DNM2: variants seen among roughly 807,000 people sequenced by gnomAD.
DNM2 encodes the protein dynamin-2.
In DNM2, 15 loss-of-function variants were observed where a neutral mutation model predicts 99.0. The ratio of observed to expected loss-of-function variants is 0.15; its 90% CI spans 0.10 to 0.23. The LOEUF (loss-of-function observed/expected upper bound fraction) is 0.23. DNM2 is among the 10% of genes least tolerant of loss of function. The pLI is 1.00. For synonymous variants in DNM2, 525 were observed against 481.2 expected (o/e 1.09, Z -1.19); for missense variants, 742 against 1,189.4 (o/e 0.62, Z 5.53).
At chr19:10,802,409 A>C in intron 12 of DNM2, 51 bp downstream of exon 12, 13 of 1,585,198 alleles carry the variant, frequency 8.2e-6, no homozygotes, top group African/African-American at 2.7e-5. Flanking sequence ...CCTCACTCTC[A>C]GATCCAAGGA....
At chr19:10,718,436 G>A (rs2068823018) in intron 1 of DNM2, 33 bp downstream of exon 1, 8 of 1,388,916 alleles carry the variant, frequency 5.8e-6, no homozygotes, top group East Asian at 5.9e-5. Context: ...GCGGGCGGGT[G>A]GCGGCCTAGG....
intron 9 of DNM2, 143 bp from the exon 10 acceptor site, chr19:10,797,237 C>T: frequency 7.9e-7 from 1 of 1,263,792 alleles, no homozygotes; most frequent in Non-Finnish European, 1.1e-6. Flanking sequence ...GCTTCCGGGG[C>T]AAATGCGGGC....
chr19:10,776,055 A>T (rs551360385), intron 4 of DNM2, 149 bp downstream of exon 4: 1 of 1,048,612 alleles, frequency 9.5e-7, no homozygotes, highest in Non-Finnish European at 1.4e-6. Flanking sequence ...TCCTCCGAGA[A>T]CCAGCAGTGC....
At chr19:10,737,006 G>C (rs955538592) in intron 1 of DNM2, among the ~76,000 whole-genome samples, 1 of 152,138 alleles carries the variant, frequency 6.6e-6, no homozygotes, top group Non-Finnish European at 1.5e-5. Context: ...AAATTAGCCA[G>C]GCATGGCAGC....
rs761720379 is a variant in DNM2 at position 10,817,496 on chromosome 19, C to T, written c.1672-2484C>T. On this transcript the variant is annotated intron_variant, in intron 15 of 20. Transcript: ENST00000389253. The surrounding 1 kb of genome is among the most constrained non-coding windows in gnomAD (Gnocchi z 4.6). The stretch of plus-strand genomic sequence containing the variant: ...ACAGGTAGTCTGAACACTGGGTTGG[C>T]GGGGCCGGCTATCCATCCTGCAGAA... 28 of 459,192 alleles carry T rather than the reference C, an allele frequency of 6.1e-5. 1 individual carries two copies. The highest frequency in any genetic ancestry group is 2.1e-4 in the African/African-American group (10 of 48,386). 28.4% of individuals were successfully genotyped at this position (459,192 alleles called of 1,614,324 possible). A position where few individuals can be genotyped will look rare whatever the true frequency, so the allele number is the denominator to read the frequency against.
intron 1 of DNM2, among the ~76,000 whole-genome samples, chr19:10,755,986 G>A (rs1408618072): frequency 6.6e-6 from 1 of 152,168 alleles, no homozygotes; most frequent in Non-Finnish European, 1.5e-5. Flanking sequence ...TCTCTGATGT[G>A]CAAGATGCCA....
At position 10,831,180 on chromosome 19, in the gene DNM2, C is replaced by A; in HGVS notation, c.*133C>A. 2 of 1,417,772 alleles carry A rather than the reference C, an allele frequency of 1.4e-6. No homozygotes were observed. The highest frequency in any genetic ancestry group is 1.5e-5 in the South Asian group (1 of 65,658). 87.8% of individuals were successfully genotyped at this position (1,417,772 alleles called of 1,614,324 possible). A position where few individuals can be genotyped will look rare whatever the true frequency, so the allele number is the denominator to read the frequency against. On this transcript the variant is annotated 3_prime_UTR_variant, in exon 21 of 21. Transcript: ENST00000389253. The surrounding 1 kb of genome is among the most constrained non-coding windows in gnomAD (Gnocchi z 4.3). ...GGCAGCCCTGGCCTCTTCCTTAACG[C>A]TGGCCCCGGTCCAGGGCCGGCCCCT...
rs1353684418 is a variant in DNM2 at position 10,765,420 on chromosome 19, G to T, written c.235+5609G>T. Among the ~76,000 whole-genome samples the T allele has an allele frequency of 1.3e-5, 2 of 152,212 alleles. No homozygotes were observed. Among genetic ancestry groups the T allele is most frequent in the African/African-American group, 4.8e-5 (2 of 41,454 alleles). ...GTGCCCCTTCTTGCCTACTGGGCGG[G>T]AAGTGATGGGGGTTACTTTACCAAG... On this transcript the variant is annotated intron_variant, in intron 2 of 20. Transcript: ENST00000389253. The surrounding 1 kb of genome is among the most constrained non-coding windows in gnomAD (Gnocchi z 4.4).
chr19:10,751,882 AC>A (rs2070208069), intron 1 of DNM2, among the ~76,000 whole-genome samples: 1 of 152,250 alleles, frequency 6.6e-6, no homozygotes, highest in Non-Finnish European at 1.5e-5. Flanking sequence ...AAGCAATTTT[AC>A]TTCTGTACAG....
At chr19:10,802,534 GGTCCACT>G in intron 12 of DNM2, 176 bp downstream of exon 12, 1 of 736,772 alleles carries the variant, frequency 1.4e-6, no homozygotes, top group South Asian at 1.5e-5. Flanking sequence ...GGCTGATAGT[GGTCCACT>G]GTCCCCAACC....
chr19:10,798,685 A>G, intron 11 of DNM2, 113 bp downstream of exon 11: 1 of 1,180,414 alleles, frequency 8.5e-7, no homozygotes, highest in South Asian at 1.3e-5. Flanking sequence ...TACCTCAATC[A>G]AGATACAGAG....
intron 5 of DNM2, among the ~76,000 whole-genome samples, chr19:10,777,850 C>G (rs572404388): frequency 6.8e-4 from 103 of 152,182 alleles, no homozygotes; most frequent in Non-Finnish European, 1.1e-3. Flanking sequence ...TTGCCTTGGC[C>G]TCCCAAAGTG....
intron 16 of DNM2, among the ~76,000 whole-genome samples, chr19:10,822,016 G>C (rs1047995072): frequency 3.3e-5 from 5 of 152,114 alleles, no homozygotes; most frequent in Non-Finnish European, 5.9e-5. Flanking sequence ...TCACTTAAAG[G>C]CTTTGTGGGC....
rs57290103 is a variant in DNM2 at position 10,760,827 on chromosome 19, AT to A, written c.235+1033del. Among the ~76,000 whole-genome samples the A allele has an allele frequency of 1.3e-3, 54 of 41,268 alleles. 6 individuals carry two copies. The highest frequency in any genetic ancestry group is 4.5e-3 in the African/African-American group (48 of 10,642). 27.1% of individuals were successfully genotyped at this position (41,268 alleles called of 152,430 possible). A position where few individuals can be genotyped will look rare whatever the true frequency, so the allele number is the denominator to read the frequency against. Reference sequence around the variant, plus strand: ...GTGCACACACCACCACACCCAGCTGATTTTTTTTTTTTTTTTTGGTAGAGAT... The same window carrying A: ...GTGCACACACCACCACACCCAGCTGATTTTTTTTTTTTTTTTGGTAGAGAT... On this transcript the variant is annotated intron_variant, in intron 2 of 20. Transcript: ENST00000389253.
rs1177972134 is a variant in DNM2 at position 10,775,671 on chromosome 19, C to T, written c.386-32C>T. ...TGTTTGTGCCTCCCCTCTCCTGGCT[C>T]TGAATGCCTTTCCTTCTGGTTTCCC... is the stretch of plus-strand genomic sequence containing the variant. On this transcript the variant is annotated intron_variant, in intron 3 of 20. Transcript: ENST00000389253. The surrounding 1 kb of genome is among the most constrained non-coding windows in gnomAD (Gnocchi z 4.3). 1.2e-6 allele frequency: 2 copies of T among 1,613,788 alleles called. No homozygotes were observed. The highest frequency in any genetic ancestry group is 3.3e-5 in the Admixed American group (2 of 60,018).
At chr19:10,819,361 C>T (rs921356779) in intron 15 of DNM2, among the ~76,000 whole-genome samples, 9 of 152,190 alleles carry the variant, frequency 5.9e-5, no homozygotes, top group Admixed American at 2.0e-4. Flanking sequence ...GAAATCCCAG[C>T]CCTGCTCCTC....
intron 1 of DNM2, 25 bp downstream of exon 1, chr19:10,718,428 G>T: frequency 7.0e-7 from 1 of 1,430,096 alleles, no homozygotes; most frequent in Non-Finnish European, 9.2e-7. Flanking sequence ...CAGGGATCGC[G>T]GGCGGGTGGC....
chr19:10,786,740 C>T, intron 7 of DNM2, 34 bp downstream of exon 7: 1 of 1,613,380 alleles, frequency 6.2e-7, no homozygotes, highest in Non-Finnish European at 8.5e-7. Flanking sequence ...CACCACCACC[C>T]TGGCCCCTGC....
chr19:10,756,703 G>A (rs1185620612), intron 1 of DNM2, among the ~76,000 whole-genome samples: 1 of 152,094 alleles, frequency 6.6e-6, no homozygotes, highest in East Asian at 1.9e-4. Flanking sequence ...GTCCCCCAGA[G>A]CCTTGCAAGT....
Sources: allele counts gnomAD v4.1 joint callset (sites outside exome capture counted in the v4.1 genomes callset), GRCh38; gene constraint gnomAD v4.1.1; non-coding constraint Gnocchi (gnomAD v3.1); transcripts MANE v1.5; gene names NCBI Gene and HGNC (gene_info 2026-07-23, HGNC 2026-07-21).